TSGA10IP: variants seen among roughly 807,000 people sequenced by gnomAD.
TSGA10IP encodes the protein testis-specific protein 10-interacting protein.
In TSGA10IP, 64 loss-of-function variants were observed where a neutral mutation model predicts 63.2. The observed-to-expected ratio is 1.01, with a 90% confidence interval of 0.83 to 1.25. The LOEUF (loss-of-function observed/expected upper bound fraction) is 1.25. Among genes scored for constraint, TSGA10IP ranks in the 50% most tolerant of loss-of-function variants. The pLI, the probability that TSGA10IP is intolerant of heterozygous loss-of-function variation, is 0.00. For synonymous variants in TSGA10IP, 316 were observed against 298.3 expected (o/e 1.06, Z -0.61); for missense variants, 681 against 710.1 (o/e 0.96, Z 0.47).
intron 5 of TSGA10IP, among the ~76,000 whole-genome samples, chr11:65,956,298 C>T (rs567236139): frequency 2.6e-5 from 4 of 151,762 alleles, no homozygotes; most frequent in Non-Finnish European, 4.4e-5. Flanking sequence ...CCTCCACGCC[C>T]GGCTAATTTT....
chr11:65,959,889 C>A (rs765273976), exon 8 of TSGA10IP: 1 of 1,611,518 alleles, frequency 6.2e-7, no homozygotes, highest in South Asian at 1.1e-5. Context: ...CCACCGGCAG[C>A]CAGCCTGACA....
At chr11:65,955,471 G>A (rs534533736) in intron 5 of TSGA10IP, among the ~76,000 whole-genome samples, 1 of 152,072 alleles carries the variant, frequency 6.6e-6, no homozygotes, top group Admixed American at 6.6e-5. Flanking sequence ...AAATTAGCTG[G>A]GCGTAGTGGC....
intron 4 of TSGA10IP, among the ~76,000 whole-genome samples, chr11:65,952,371 A>G (rs1854956663): frequency 6.6e-6 from 1 of 152,162 alleles, no homozygotes; most frequent in African/African-American, 2.4e-5. Context: ...TTTCTGGGTC[A>G]TAGCCAAAAA....
intron 4 of TSGA10IP, among the ~76,000 whole-genome samples, chr11:65,952,782 C>T (rs1854962720): frequency 6.6e-6 from 1 of 150,384 alleles, no homozygotes; most frequent in South Asian, 2.1e-4. Flanking sequence ...CCTGCATCAG[C>T]CCCAAAGTGC....
chr11:65,945,545 T>A lies in TSGA10IP; in HGVS notation c.-131T>A, dbSNP rs1284342863. 5 of 973,600 alleles carry A rather than the reference T, an allele frequency of 5.1e-6. No individual in the cohort carries two copies. In the African/African-American group the frequency reaches 8.2e-5, roughly 16 times the overall value. The allele number at this position is 973,600 out of a possible 1,614,324, so 60.3% of individuals were successfully genotyped here. On this transcript the variant is annotated 5_prime_UTR_variant, in exon 1 of 8. In the 5' UTR this introduces an upstream ATG that the reference lacks. Transcript: ENST00000532620. ...TGCTGAACTCTCTCCCAGAAGGAGATTGGCCTCACATACCCCACTGACCCC... is the reference window on the plus strand; with the variant it reads ...TGCTGAACTCTCTCCCAGAAGGAGAATGGCCTCACATACCCCACTGACCCC...
chr11:65,947,194 T>G, exon 3 of TSGA10IP: 3 of 1,607,862 alleles, frequency 1.9e-6, no homozygotes, highest in Non-Finnish European at 2.5e-6. Context: ...GGGCTGTGCT[T>G]CAGCCAAGCT....
exon 4 of TSGA10IP, chr11:65,948,018 T>C: frequency 6.4e-7 from 1 of 1,563,014 alleles, no homozygotes; most frequent in African/African-American, 1.4e-5. Context: ...AAAGCTGCCC[T>C]GGAAGACTTT....
At chr11:65,959,606 G>A (rs1361547922) in intron 7 of TSGA10IP, among the ~76,000 whole-genome samples, 1 of 152,200 alleles carries the variant, frequency 6.6e-6, no homozygotes, top group Non-Finnish European at 1.5e-5. Context: ...CCACCACGCT[G>A]GTCACCCCAT....
intron 5 of TSGA10IP, among the ~76,000 whole-genome samples, chr11:65,956,496 A>C (rs979320252): frequency 2.0e-5 from 3 of 150,958 alleles, no homozygotes; most frequent in Admixed American, 6.6e-5. Context: ...CTGAAAGGTC[A>C]AGTGTGTTTT....
exon 2 of TSGA10IP, chr11:65,947,016 A>T: frequency 6.2e-7 from 1 of 1,613,978 alleles, no homozygotes; most frequent in Non-Finnish European, 8.5e-7. Flanking sequence ...GAGTCTGAAG[A>T]GTAAGCAGCA....
In TSGA10IP at chr11:65,959,873, CAG is replaced by C. The variant is rs759232447; in HGVS notation, c.1606_1607del (p.Glu536ThrfsTer7). ...CACTCTCCTCAGAGGCCCCCAAGGA[CAG>C]AACCCACCGGCAGCCAGCCTGACAG... is the stretch of plus-strand genomic sequence containing the variant. On this transcript the variant is annotated frameshift_variant, in exon 8 of 8. Coordinates refer to ENST00000532620, the Ensembl canonical transcript of TSGA10IP. LOFTEE classifies it low-confidence loss of function (END_TRUNC). 1 of 1,606,754 alleles carries C rather than the reference CAG, an allele frequency of 6.2e-7. No individual in the cohort carries two copies. Among genetic ancestry groups the C allele is most frequent in the Non-Finnish European group, 8.5e-7 (1 of 1,176,888 alleles).
At position 65,959,925 on chromosome 11, in the gene TSGA10IP, G is replaced by A. The variant is rs756911090; in HGVS notation, c.1656G>A (p.Pro552=). 2.6e-5 allele frequency: 42 copies of A among 1,613,238 alleles called. No homozygotes were observed. In the East Asian group the frequency reaches 4.9e-4, roughly 19 times the overall value. The change falls in exon 8 of 8, where the codon CCG becomes CCA. Residue 552 remains proline, a synonymous_variant. Coordinates refer to ENST00000532620, the Ensembl canonical transcript of TSGA10IP. ...GGCACTACAACCCCAGCCTGGACCC[G>A]GAGTGCAGTCCCTGAGATAAAATTA...
At position 65,947,214 on chromosome 11, in the gene TSGA10IP, CT is replaced by C. The variant is rs1317201355; in HGVS notation, c.390del (p.Gly131AlafsTer39). 1 of 1,608,162 alleles carries C rather than the reference CT, an allele frequency of 6.2e-7. No individual in the cohort carries two copies. Among genetic ancestry groups the C allele is most frequent in the Non-Finnish European group, 8.5e-7 (1 of 1,177,600 alleles). ...GTGCTTCAGCCAAGCTCCCCAACCC[CT>C]GGCCACCAAGCCCTGCCCATGCCCT... is the stretch of plus-strand genomic sequence containing the variant. On this transcript the variant is annotated frameshift_variant, in exon 3 of 8. Transcript: ENST00000532620. LOFTEE classifies it high-confidence loss of function.
At chr11:65,953,627 G>A (rs1242331602) in exon 5 of TSGA10IP, 2 of 1,587,254 alleles carry the variant, frequency 1.3e-6, no homozygotes, top group African/African-American at 1.4e-5. Flanking sequence ...CCGAGCTGCG[G>A]CGGGCCCGGA....
chr11:65,950,768 T>C (rs1325597219), intron 4 of TSGA10IP, among the ~76,000 whole-genome samples: 1 of 152,108 alleles, frequency 6.6e-6, no homozygotes, highest in African/African-American at 2.4e-5. Context: ...TTCACTGTGT[T>C]AGCCAGGATG....
chr11:65,945,594 C>A (rs1471898156), exon 1 of TSGA10IP: 5 of 1,514,204 alleles, frequency 3.3e-6, no homozygotes, highest in East Asian at 4.6e-5. Flanking sequence ...TTTTGCCAGA[C>A]CCATTGAGAC....
At position 65,959,926 on chromosome 11, in the gene TSGA10IP, G is replaced by A. The variant is rs780705450; in HGVS notation, c.1657G>A (p.Glu553Lys). ...GCACTACAACCCCAGCCTGGACCCGGAGTGCAGTCCCTGAGATAAAATTAA... is the reference window on the plus strand; with the variant it reads ...GCACTACAACCCCAGCCTGGACCCGAAGTGCAGTCCCTGAGATAAAATTAA... Residue 553 changes from glutamate (E) to lysine (K), a missense_variant, in exon 8 of 8, where the codon GAG becomes AAG. Coordinates refer to ENST00000532620, the Ensembl canonical transcript of TSGA10IP. 1.4e-5 allele frequency: 22 copies of A among 1,613,360 alleles called. No individual in the cohort carries two copies. The East Asian group carries it at 4.9e-4, about 36-fold the overall frequency.
rs1555054792 is a variant in TSGA10IP at position 65,945,737 on chromosome 11, G to A, written c.62G>A (p.Arg21Gln). ...CAGTTGGTTAGGACCCCGTCGGTGC[G>A]ACCAGGGCAGGACGTGCGGCTCCAG... Residue 21 changes from arginine to glutamine, a missense_variant, in exon 1 of 8, where the codon CGA becomes CAA. Arg to Gln is a conservative substitution (Grantham distance 43). Coordinates refer to ENST00000532620, the Ensembl canonical transcript of TSGA10IP. 8.1e-6 allele frequency: 13 copies of A among 1,611,916 alleles called. No homozygotes were observed. The Admixed American group carries it at 8.3e-5, about 10-fold the overall frequency.
Position 65,948,306 on chromosome 11 carries a change from AT to A in TSGA10IP, c.1151+159del, listed in dbSNP as rs1194133480. On this transcript the variant is annotated intron_variant, in intron 4 of 7. Transcript: ENST00000532620. ...CATCCATCCATCCATCCATCCATCC[AT>A]CCATCCATCCACCCATCCATCCATC... Among the ~76,000 whole-genome samples, 9 of 152,028 alleles carry A rather than the reference AT, an allele frequency of 5.9e-5. No homozygotes were observed. In the East Asian group the frequency reaches 1.2e-3, roughly 20 times the overall value.
Sources: allele counts gnomAD v4.1 joint callset (sites outside exome capture counted in the v4.1 genomes callset), GRCh38; gene constraint gnomAD v4.1.1; transcripts MANE v1.5; gene names NCBI Gene and HGNC (gene_info 2026-07-23, HGNC 2026-07-21).